LRP1B: variants seen among roughly 807,000 people sequenced by gnomAD.
LRP1B encodes low-density lipoprotein receptor-related protein 1B.
In LRP1B, 217 loss-of-function variants were observed where a neutral mutation model predicts 556.6. That is an observed-to-expected ratio of 0.39 (90% CI 0.35 to 0.44). The LOEUF is 0.44. Ranked by LOEUF, LRP1B falls within the 20% of genes least tolerant of loss-of-function variation. LRP1B has a pLI of 1.00. For synonymous variants in LRP1B, 2,047 were observed against 1,865.8 expected (o/e 1.10, Z -2.50); for missense variants, 5,053 against 5,620.8 (o/e 0.90, Z 3.23).
intron 83 of LRP1B, among the ~76,000 whole-genome samples, chr2:140,305,002 T>C (rs1684005213): frequency 6.6e-6 from 1 of 152,190 alleles, no homozygotes; most frequent in Admixed American, 6.5e-5. Context: ...TCTGTTCTGT[T>C]CCATTGGTCT....
intron 2 of LRP1B, among the ~76,000 whole-genome samples, chr2:141,489,237 C>T (rs1683243785): frequency 3.1e-5 from 3 of 97,598 alleles, no homozygotes; most frequent in African/African-American, 1.1e-4. Context: ...ATCTGCTTGG[C>T]TTCACCTCCC....
chr2:141,109,630 C>T (rs566801132), intron 7 of LRP1B, among the ~76,000 whole-genome samples: 6 of 149,134 alleles, frequency 4.0e-5, no homozygotes, highest in Non-Finnish European at 7.4e-5. Flanking sequence ...GAGTTACTTG[C>T]CTAAGTGTAG....
chr2:140,735,001 C>G (rs540201185), intron 35 of LRP1B, among the ~76,000 whole-genome samples: 1 of 152,160 alleles, frequency 6.6e-6, no homozygotes, highest in Non-Finnish European at 1.5e-5. Flanking sequence ...CATATCTAAT[C>G]CTGTCTTGAC....
At chr2:141,356,915 C>T (rs111830548) in intron 3 of LRP1B, among the ~76,000 whole-genome samples, 1 of 152,048 alleles carries the variant, frequency 6.6e-6, no homozygotes, top group Admixed American at 6.5e-5. Flanking sequence ...GGTTAAAACG[C>T]CAATTATTTG....
intron 2 of LRP1B, among the ~76,000 whole-genome samples, chr2:141,528,721 C>A (rs1559122959): frequency 6.6e-6 from 1 of 152,096 alleles, no homozygotes; most frequent in East Asian, 1.9e-4. Context: ...TCTAATGTGA[C>A]TCTGCCCCTG....
intron 20 of LRP1B, among the ~76,000 whole-genome samples, chr2:140,935,799 A>T (rs77786957): frequency 0.051 from 7,812 of 152,092 alleles, 271 homozygotes; most frequent in Non-Finnish European, 0.082. Context: ...CCTCAGTATG[A>T]TTATCAACAG....
At chr2:141,206,717 A>G (rs1201046658) in intron 6 of LRP1B, among the ~76,000 whole-genome samples, 1 of 152,144 alleles carries the variant, frequency 6.6e-6, no homozygotes, top group Non-Finnish European at 1.5e-5. Context: ...AAAGCTTAAA[A>G]CTATCTTTTC....
At chr2:141,565,006 T>A (rs1034974314) in intron 2 of LRP1B, among the ~76,000 whole-genome samples, 8 of 152,130 alleles carry the variant, frequency 5.3e-5, no homozygotes, top group Non-Finnish European at 1.2e-4. Context: ...TCAATAATGT[T>A]TTGGGCAACC....
chr2:141,221,321 A>G (rs979692110), intron 6 of LRP1B, among the ~76,000 whole-genome samples: 2 of 151,868 alleles, frequency 1.3e-5, no homozygotes, highest in African/African-American at 2.4e-5. Context: ...AAAGGGCATT[A>G]CATAATGGGA....
At chr2:141,331,507 T>C (rs535473400) in intron 3 of LRP1B, among the ~76,000 whole-genome samples, 1 of 58,648 alleles carries the variant, frequency 1.7e-5, no homozygotes, top group South Asian at 4.2e-4. Flanking sequence ...TCTTTCCTTC[T>C]TTCTTTCTTT....
chr2:141,568,352 A>C (rs1466099486), intron 2 of LRP1B, among the ~76,000 whole-genome samples: 1 of 151,194 alleles, frequency 6.6e-6, no homozygotes, highest in African/African-American at 2.4e-5. Context: ...GCCAACTGTA[A>C]AAGAGATGTA....
At chr2:141,827,344 A>T (rs1696970211) in intron 1 of LRP1B, among the ~76,000 whole-genome samples, 2 of 152,162 alleles carry the variant, frequency 1.3e-5, no homozygotes, top group South Asian at 2.1e-4. Flanking sequence ...TTGAATGTGA[A>T]TTTTTTTATG....
At chr2:141,105,409 C>G (rs952779735) in intron 7 of LRP1B, among the ~76,000 whole-genome samples, 2 of 151,948 alleles carry the variant, frequency 1.3e-5, no homozygotes, top group African/African-American at 4.8e-5. Flanking sequence ...TTTACTCTTA[C>G]CATTTGTGAG....
chr2:140,606,864 TAGG>T lies in LRP1B; in HGVS notation c.6800-5228_6800-5226del, dbSNP rs1229660031. ...ATGATGAAACTCTTAGGATAAAAAA[TAGG>T]AAGAAATCTTCATAACTTTGGGTTA... On this transcript the variant is annotated intron_variant, in intron 41 of 90. Coordinates refer to ENST00000389484, the MANE Select transcript of LRP1B (RefSeq NM_018557.3). Among the ~76,000 whole-genome samples the T allele has an allele frequency of 2.5e-4, 38 of 151,984 alleles. 1 individual carries two copies. The highest frequency in any genetic ancestry group is 1.3e-4 in the Non-Finnish European group (9 of 67,880).
chr2:142,073,010 A>G (rs1705376727), intron 1 of LRP1B, among the ~76,000 whole-genome samples: 1 of 152,056 alleles, frequency 6.6e-6, no homozygotes, highest in African/African-American at 2.4e-5. Context: ...GCAGATAAGG[A>G]TAATGTTAAT....
chr2:140,890,043 T>A (rs12691580), intron 23 of LRP1B, among the ~76,000 whole-genome samples: 27,844 of 151,880 alleles, frequency 0.18, 2,738 homozygotes, highest in Non-Finnish European at 0.21. Flanking sequence ...CAAACTGTAA[T>A]CTTTCTATGG....
intron 3 of LRP1B, among the ~76,000 whole-genome samples, chr2:141,344,216 T>C (rs867485538): frequency 3.9e-5 from 6 of 152,162 alleles, no homozygotes; most frequent in Admixed American, 2.0e-4. Flanking sequence ...GAAATTTAAA[T>C]AAAATTATGT....
At chr2:140,651,513 C>T (rs1481624034) in intron 41 of LRP1B, among the ~76,000 whole-genome samples, 2 of 100,992 alleles carry the variant, frequency 2.0e-5, no homozygotes, top group Non-Finnish European at 2.1e-5. Flanking sequence ...TAAAAAAAAA[C>T]ACATACAAAA....
At chr2:140,947,586 C>T (rs534749919) in intron 20 of LRP1B, among the ~76,000 whole-genome samples, 5 of 152,296 alleles carry the variant, frequency 3.3e-5, no homozygotes, top group Admixed American at 1.3e-4. Flanking sequence ...AATGACTTTG[C>T]TGATCAGCTT....
Sources: allele counts gnomAD v4.1 joint callset (sites outside exome capture counted in the v4.1 genomes callset), GRCh38; gene constraint gnomAD v4.1.1; transcripts MANE v1.5; gene names NCBI Gene and HGNC (gene_info 2026-07-23, HGNC 2026-07-21).